Variants in CCDC102B observed in about 807,000 individuals in gnomAD.
CCDC102B encodes the protein coiled-coil domain containing 102B.
A neutral mutation model predicts 57.4 loss-of-function variants in CCDC102B; 75 were observed. That is an observed-to-expected ratio of 1.31 (90% CI 1.08 to 1.58). The LOEUF (loss-of-function observed/expected upper bound fraction) is 1.58. Among genes scored for constraint, CCDC102B ranks in the 40% most tolerant of loss-of-function variants. CCDC102B has a pLI of 0.00. For missense variants in CCDC102B, 636 were observed against 582.6 expected (o/e 1.09, Z -0.94); for synonymous variants, 206 against 201.9 (o/e 1.02, Z -0.17).
chr18:68,751,834 A>G (rs1179136760), intron 2 of CCDC102B, among the ~76,000 whole-genome samples: 5 of 152,220 alleles, frequency 3.3e-5, no homozygotes, highest in African/African-American at 4.8e-5. Context: ...CTTAGAACCT[A>G]TGAAGGACAT....
intron 1 of CCDC102B, among the ~76,000 whole-genome samples, chr18:68,827,343 C>T (rs2036945697): frequency 6.6e-6 from 1 of 151,792 alleles, no homozygotes; most frequent in Non-Finnish European, 1.5e-5. Flanking sequence ...ATTTTATACT[C>T]AAGAAAGTGA....
chr18:68,833,828 T>C (rs1354952057), intron 1 of CCDC102B, among the ~76,000 whole-genome samples: 2 of 152,188 alleles, frequency 1.3e-5, no homozygotes, highest in Admixed American at 6.5e-5. Flanking sequence ...CAAAAATATT[T>C]GCAGGAATCA....
At chr18:69,052,821 T>C (rs558837280) in intron 7 of CCDC102B, among the ~76,000 whole-genome samples, 48 of 152,034 alleles carry the variant, frequency 3.2e-4, no homozygotes, top group African/African-American at 1.1e-3. Flanking sequence ...ACTGAACATG[T>C]ACAGATTTTT....
chr18:68,911,710 C>T (rs2040871839), intron 6 of CCDC102B, among the ~76,000 whole-genome samples: 1 of 126,508 alleles, frequency 7.9e-6, no homozygotes, highest in Non-Finnish European at 1.6e-5. Context: ...CGAGATCGCG[C>T]CACTGCACTC....
chr18:68,869,237 T>C (rs12606133), intron 4 of CCDC102B, among the ~76,000 whole-genome samples: 54,194 of 151,870 alleles, frequency 0.36, 10,321 homozygotes, highest in East Asian at 0.62. Context: ...GCCATGACAG[T>C]AGATGGGATG....
chr18:68,927,904 G>A (rs2041530431), intron 6 of CCDC102B, among the ~76,000 whole-genome samples: 1 of 151,868 alleles, frequency 6.6e-6, no homozygotes, highest in African/African-American at 2.4e-5. Context: ...GGGAGTGTTT[G>A]TTTTGGTGGA....
chr18:68,783,000 A>G (rs766854842), intron 2 of CCDC102B, among the ~76,000 whole-genome samples: 14 of 152,168 alleles, frequency 9.2e-5, no homozygotes, highest in Non-Finnish European at 1.9e-4. Context: ...ATGAGTGTTT[A>G]CTATCTGCCA....
At chr18:68,973,380 A>G (rs2050350115) in intron 6 of CCDC102B, among the ~76,000 whole-genome samples, 1 of 152,140 alleles carries the variant, frequency 6.6e-6, no homozygotes, top group African/African-American at 2.4e-5. Context: ...TTTTTGTTGT[A>G]ATAGTAGTGC....
intron 4 of CCDC102B, among the ~76,000 whole-genome samples, chr18:68,848,934 T>C (rs2144827086): frequency 6.6e-6 from 1 of 152,262 alleles, no homozygotes; most frequent in Admixed American, 6.5e-5. Context: ...AAAAAGTAAC[T>C]TTTAATTTTC....
chr18:69,044,335 C>T (rs898035503), intron 7 of CCDC102B, among the ~76,000 whole-genome samples: 3 of 152,072 alleles, frequency 2.0e-5, no homozygotes, highest in Admixed American at 1.3e-4. Context: ...GGTTCTTAAC[C>T]GCAGGACCAT....
At chr18:69,004,802 C>G (rs1599834657) in intron 6 of CCDC102B, among the ~76,000 whole-genome samples, 1 of 152,034 alleles carries the variant, frequency 6.6e-6, no homozygotes, top group Non-Finnish European at 1.5e-5. Flanking sequence ...GTTATTGGCA[C>G]ACGGTAGACA....
chr18:68,861,139 A>T (rs897681315), intron 4 of CCDC102B, among the ~76,000 whole-genome samples: 2 of 64,400 alleles, frequency 3.1e-5, no homozygotes, highest in Non-Finnish European at 7.3e-5. Context: ...AAACATAATA[A>T]AAAAAAAAAT....
chr18:68,953,376 A>C (rs1171962507), intron 6 of CCDC102B, among the ~76,000 whole-genome samples: 2 of 65,068 alleles, frequency 3.1e-5, no homozygotes, highest in Non-Finnish European at 3.5e-5. Flanking sequence ...TTTTTTTTTG[A>C]CAACAGCGGT....
chr18:68,877,396 A>T (rs1447094083), intron 5 of CCDC102B, among the ~76,000 whole-genome samples: 3 of 152,204 alleles, frequency 2.0e-5, no homozygotes, highest in Admixed American at 2.0e-4. Flanking sequence ...GCGATCTTTA[A>T]TATGATGCCA....
intron 1 of CCDC102B, among the ~76,000 whole-genome samples, chr18:68,814,538 A>G (rs1248560937): frequency 6.6e-6 from 1 of 152,128 alleles, no homozygotes; most frequent in Non-Finnish European, 1.5e-5. Context: ...AAAATCTATC[A>G]TGTATAGTCA....
rs564082196 is a variant in CCDC102B, at chr18:68,717,055, C to T, written c.-67+461C>T. ...TCGCGCCACTGCACTCCAGCCTGGG[C>T]GACAGAGCAAGACTCTGTTTCAAAA... On this transcript the variant is annotated intron_variant, in intron 2 of 3. Transcript: ENST00000578970. Among the ~76,000 whole-genome samples the T allele has an allele frequency of 4.0e-4, 58 of 144,344 alleles. 1 individual carries two copies. The highest frequency in any genetic ancestry group is 4.4e-4 in the South Asian group (2 of 4,548). 94.7% of individuals were successfully genotyped at this position (144,344 alleles called of 152,430 possible).
chr18:68,883,299 T>G (rs1481635206), intron 5 of CCDC102B, among the ~76,000 whole-genome samples: 1 of 151,850 alleles, frequency 6.6e-6, no homozygotes, highest in East Asian at 1.9e-4. Flanking sequence ...TAATCCCAGC[T>G]GCTCAGGAGG....
intron 6 of CCDC102B, among the ~76,000 whole-genome samples, chr18:68,982,111 C>G (rs2145295821): frequency 6.6e-6 from 1 of 151,890 alleles, no homozygotes; most frequent in African/African-American, 2.4e-5. Context: ...GACATCAATC[C>G]TGTCTGTCAA....
intron 2 of CCDC102B, among the ~76,000 whole-genome samples, chr18:68,764,275 C>T (rs1028605969): frequency 1.3e-5 from 2 of 152,136 alleles, no homozygotes; most frequent in African/African-American, 2.4e-5. Flanking sequence ...ATAATAACAT[C>T]ATGCTGACTC....
Sources: allele counts gnomAD v4.1 joint callset (sites outside exome capture counted in the v4.1 genomes callset), GRCh38; gene constraint gnomAD v4.1.1; transcripts MANE v1.5; gene names NCBI Gene and HGNC (gene_info 2026-07-23, HGNC 2026-07-21).